Variants in SPATA22 observed in about 807,000 individuals in gnomAD.
SPATA22 encodes the protein spermatogenesis associated 22.
Under a neutral mutation model 47.8 loss-of-function variants are expected in SPATA22, and 29 were observed. That is an observed-to-expected ratio of 0.61 (90% confidence interval 0.45 to 0.83). The LOEUF is 0.83. Ranked by LOEUF, SPATA22 falls within the 40% of genes least tolerant of loss-of-function variation. The pLI is 0.00. For synonymous variants in SPATA22, 133 were observed against 140.9 expected (o/e 0.94, Z 0.40); for missense variants, 410 against 421.7 (o/e 0.97, Z 0.24).
At chr17:3,508,261 A>G (rs922894624) in intron 1 of SPATA22, among the ~76,000 whole-genome samples, 1 of 151,338 alleles carries the variant, frequency 6.6e-6, no homozygotes, top group African/African-American at 2.4e-5. Flanking sequence ...CAGGTGCTGG[A>G]GAGGATGTGG....
At chr17:3,443,336 A>G in intron 7 of SPATA22, 65 bp from the exon 8 acceptor site, 1 of 1,155,746 alleles carries the variant, frequency 8.7e-7, no homozygotes, top group Non-Finnish European at 1.3e-6. Flanking sequence ...TTTAACAAAG[A>G]GAAGCTGATG....
At chr17:3,452,038 G>A (rs1225238492) in intron 5 of SPATA22, among the ~76,000 whole-genome samples, 2 of 151,008 alleles carry the variant, frequency 1.3e-5, no homozygotes, top group Admixed American at 6.6e-5. Context: ...ATCAAAGAGG[G>A]AATTAAAAAA....
chr17:3,496,316 C>CA (rs898180439), intron 1 of SPATA22, among the ~76,000 whole-genome samples: 94 of 152,214 alleles, frequency 6.2e-4, no homozygotes, highest in African/African-American at 2.2e-3. Flanking sequence ...ATATGTAAAC[C>CA]AAATCATTTC....
intron 2 of SPATA22, chr17:3,468,864 C>T: frequency 8.5e-6 from 8 of 937,908 alleles, no homozygotes; most frequent in Non-Finnish European, 8.9e-6. Context: ...CATCATTCCC[C>T]TGGTTCTCAT....
At chr17:3,449,888 T>A (rs562034387) in intron 5 of SPATA22, among the ~76,000 whole-genome samples, 62 of 152,238 alleles carry the variant, frequency 4.1e-4, no homozygotes, top group African/African-American at 1.5e-3. Context: ...GGTCTCGTTC[T>A]GTTACCCAGG....
At chr17:3,479,555 A>C (rs1439764064) in intron 1 of SPATA22, among the ~76,000 whole-genome samples, 3 of 152,074 alleles carry the variant, frequency 2.0e-5, no homozygotes, top group African/African-American at 7.2e-5. Flanking sequence ...GGCTCCTTCT[A>C]CCTTCCCACA....
intron 1 of SPATA22, among the ~76,000 whole-genome samples, chr17:3,469,835 T>C (rs980440742): frequency 1.3e-5 from 2 of 152,138 alleles, no homozygotes; most frequent in African/African-American, 4.8e-5. Context: ...TTGCATCAGT[T>C]TGAAATGCCT....
chr17:3,470,367 T>C (rs960693674), intron 1 of SPATA22, among the ~76,000 whole-genome samples: 5 of 151,982 alleles, frequency 3.3e-5, no homozygotes, highest in Non-Finnish European at 7.4e-5. Flanking sequence ...CACAACCCAA[T>C]GAGACAGACA....
intron 1 of SPATA22, among the ~76,000 whole-genome samples, chr17:3,495,154 G>T (rs930270886): frequency 6.6e-6 from 1 of 152,158 alleles, no homozygotes; most frequent in Non-Finnish European, 1.5e-5. Flanking sequence ...AAAGGGAAAA[G>T]GAGAGAAGAA....
intron 1 of SPATA22, chr17:3,500,309 G>A (rs193196001): frequency 5.4e-4 from 83 of 152,332 alleles, no homozygotes; most frequent in Admixed American, 1.5e-3. Context: ...ACTAAACAAC[G>A]GATCTTCAGT....
chr17:3,507,344 A>C (rs2074050208), intron 1 of SPATA22, among the ~76,000 whole-genome samples: 1 of 152,208 alleles, frequency 6.6e-6, no homozygotes, highest in Non-Finnish European at 1.5e-5. Context: ...GCACTTTATA[A>C]ATATTCATGT....
chr17:3,465,245 C>T (rs2073270154), intron 3 of SPATA22, among the ~76,000 whole-genome samples: 1 of 144,128 alleles, frequency 6.9e-6, no homozygotes. Flanking sequence ...GTGAGGAGCC[C>T]CTCTGCCCGG....
chr17:3,483,720 T>C (rs2073674069), intron 1 of SPATA22: 4 of 875,808 alleles, frequency 4.6e-6, no homozygotes, highest in East Asian at 2.8e-5. Flanking sequence ...TGGAGTCCGA[T>C]GGTGTGATCT....
At chr17:3,486,169 G>A (rs955255765) in intron 1 of SPATA22, among the ~76,000 whole-genome samples, 3 of 152,076 alleles carry the variant, frequency 2.0e-5, no homozygotes, top group African/African-American at 7.2e-5. Context: ...TCTGACCTCA[G>A]GTGATCCACC....
chr17:3,465,051 C>A (rs1270932119), intron 3 of SPATA22, among the ~76,000 whole-genome samples: 2 of 125,850 alleles, frequency 1.6e-5, no homozygotes, highest in Non-Finnish European at 3.6e-5. Flanking sequence ...CCAGCCGCCC[C>A]GTCCGGGAGG....
intron 1 of SPATA22, chr17:3,511,566 G>A (rs980507397): frequency 1.3e-5 from 2 of 152,224 alleles, no homozygotes; most frequent in African/African-American, 4.8e-5. Flanking sequence ...AGGCTCAGAC[G>A]TTTTGGCTGA....
intron 1 of SPATA22, among the ~76,000 whole-genome samples, chr17:3,489,588 A>C (rs1473405350): frequency 6.6e-6 from 1 of 152,230 alleles, no homozygotes; most frequent in Non-Finnish European, 1.5e-5. Context: ...GAAAATACAA[A>C]TGCCCAGTAA....
chr17:3,481,644 C>T, intron 1 of SPATA22: 1 of 1,613,738 alleles, frequency 6.2e-7, no homozygotes. Flanking sequence ...GTGAGAAGGG[C>T]TCAAGAAATA....
upstream of SPATA22, chr17:3,476,105 T>C: frequency 6.5e-7 from 1 of 1,530,178 alleles, no homozygotes; most frequent in East Asian, 2.3e-5. Flanking sequence ...GAAAATCGAA[T>C]TTCCTTTGAT....
Sources: allele counts gnomAD v4.1 joint callset (sites outside exome capture counted in the v4.1 genomes callset), GRCh38; gene constraint gnomAD v4.1.1; transcripts MANE v1.5; gene names NCBI Gene and HGNC (gene_info 2026-07-23, HGNC 2026-07-21).